ERC2: variants seen among roughly 807,000 people sequenced by gnomAD.
ERC2 encodes the protein ERC protein 2.
In ERC2, 42 loss-of-function variants were observed where a neutral mutation model predicts 114.8. That is an observed-to-expected ratio of 0.37 (90% confidence interval 0.29 to 0.47). The LOEUF (loss-of-function observed/expected upper bound fraction) is 0.47. Among genes scored for constraint, ERC2 ranks in the 20% least tolerant of loss-of-function variants. The pLI is 0.99. For synonymous variants in ERC2, 454 were observed against 425.5 expected, an observed-to-expected ratio of 1.07 and a Z score of -0.82; for missense variants, 939 against 1,150.7, an observed-to-expected ratio of 0.82 and a Z score of 2.66.
chr3:55,724,425 G>A (rs1378372125), intron 15 of ERC2, among the ~76,000 whole-genome samples: 1 of 152,110 alleles, frequency 6.6e-6, no homozygotes, highest in African/African-American at 2.4e-5. Context: ...ACCAATTCAG[G>A]GATAGCTCCT....
intron 4 of ERC2, among the ~76,000 whole-genome samples, chr3:56,165,777 A>G (rs573102701): frequency 2.4e-4 from 36 of 150,876 alleles, no homozygotes; most frequent in African/African-American, 8.1e-4. Flanking sequence ...ATTTTAAAAT[A>G]CTGGCCAGCC....
chr3:55,529,427 C>T (rs1379644325), intron 17 of ERC2, among the ~76,000 whole-genome samples: 2 of 152,106 alleles, frequency 1.3e-5, no homozygotes, highest in East Asian at 3.9e-4. Flanking sequence ...TTATTACATT[C>T]CCAAAATATC....
intron 2 of ERC2, among the ~76,000 whole-genome samples, chr3:56,373,026 C>T (rs1160706877): frequency 6.6e-6 from 1 of 152,200 alleles, no homozygotes; most frequent in Non-Finnish European, 1.5e-5. Flanking sequence ...TAATTAGATA[C>T]TTGTGTTGTA....
Position 55,726,436 on chromosome 3 carries a change from A to G in ERC2, c.2712+8335T>C, listed in dbSNP as rs541711690. On this transcript the variant is annotated intron_variant, in intron 15 of 17. Transcript: ENST00000288221. Reference sequence around the variant, plus strand: ...AACCGTGGCTTCTAGCAGAGGGGAGAAGAAATGTCTGGCTAAACACTCCAC... The same window carrying G: ...AACCGTGGCTTCTAGCAGAGGGGAGGAGAAATGTCTGGCTAAACACTCCAC... Among the ~76,000 whole-genome samples, 84 of 152,322 alleles carry G rather than the reference A, an allele frequency of 5.5e-4. 1 individual carries two copies. The South Asian group carries it at 0.017, about 31-fold the overall frequency.
chr3:56,355,972 G>T (rs902973564), intron 2 of ERC2, among the ~76,000 whole-genome samples: 1 of 152,124 alleles, frequency 6.6e-6, no homozygotes, highest in Non-Finnish European at 1.5e-5. Flanking sequence ...CACCCAATTA[G>T]TGAGACCATA....
chr3:55,835,349 C>G (rs2060824506), intron 14 of ERC2, among the ~76,000 whole-genome samples: 1 of 152,212 alleles, frequency 6.6e-6, no homozygotes, highest in South Asian at 2.1e-4. Context: ...TGCAAAAATC[C>G]TCAATGAAAT....
chr3:56,140,818 G>C (rs1396372791), intron 5 of ERC2, among the ~76,000 whole-genome samples: 1 of 152,124 alleles, frequency 6.6e-6, no homozygotes, highest in Non-Finnish European at 1.5e-5. Context: ...AAGGTCAGGA[G>C]TTCGAGACCA....
Position 55,561,155 on chromosome 3 carries a change from TA to T in ERC2, c.*40-49880del, listed in dbSNP as rs34947750. On this transcript the variant is annotated intron_variant, in intron 17 of 17. Transcript: ENST00000288221. ...TCACCAAACTACTGCTGCTTTTCTTTAAAAAAAAAAAAAAATTAAGAGCAAG... is the reference window on the plus strand; with the variant it reads ...TCACCAAACTACTGCTGCTTTTCTTTAAAAAAAAAAAAAATTAAGAGCAAG... 4.6e-3 allele frequency among the ~76,000 whole-genome samples: 666 copies of T among 145,794 alleles called. 2 individuals are homozygous for T. The highest frequency in any genetic ancestry group is 0.01 in the African/African-American group (410 of 39,874).
At chr3:55,888,107 T>A (rs2063435609) in intron 14 of ERC2, among the ~76,000 whole-genome samples, 1 of 152,192 alleles carries the variant, frequency 6.6e-6, no homozygotes, top group Non-Finnish European at 1.5e-5. Context: ...CTCAGACCTT[T>A]CCAACAGATC....
At chr3:55,928,526 T>C (rs1350773132) in intron 13 of ERC2, among the ~76,000 whole-genome samples, 1 of 152,204 alleles carries the variant, frequency 6.6e-6, no homozygotes, top group East Asian at 1.9e-4. Context: ...CCTTTTCAGA[T>C]GGATAGTTTG....
intron 16 of ERC2, among the ~76,000 whole-genome samples, chr3:55,695,294 C>T (rs554428769): frequency 6.6e-6 from 1 of 152,184 alleles, no homozygotes; most frequent in Non-Finnish European, 1.5e-5. Context: ...TTGTTGTCTG[C>T]CCCCATGGCC....
At chr3:55,805,954 T>C (rs1391818422) in intron 14 of ERC2, among the ~76,000 whole-genome samples, 2 of 152,074 alleles carry the variant, frequency 1.3e-5, no homozygotes, top group African/African-American at 2.4e-5. Context: ...AGAAAGGCAA[T>C]GAGACACTAA....
intron 15 of ERC2, among the ~76,000 whole-genome samples, chr3:55,732,570 A>C (rs1321404199): frequency 6.6e-6 from 1 of 152,236 alleles, no homozygotes; most frequent in Non-Finnish European, 1.5e-5. Flanking sequence ...CTCAATCCTT[A>C]CTGGAATCAA....
At chr3:56,001,826 T>A (rs1369412379) in intron 10 of ERC2, among the ~76,000 whole-genome samples, 1 of 152,172 alleles carries the variant, frequency 6.6e-6, no homozygotes, top group Non-Finnish European at 1.5e-5. Context: ...TCCTAACTAG[T>A]AAGTATGAAA....
At chr3:55,821,834 A>G (rs2060135985) in intron 14 of ERC2, among the ~76,000 whole-genome samples, 1 of 152,250 alleles carries the variant, frequency 6.6e-6, no homozygotes, top group African/African-American at 2.4e-5. Context: ...ATATCTCTCA[A>G]TAATCAGTAG....
chr3:56,319,876 A>G (rs972913624), intron 2 of ERC2, among the ~76,000 whole-genome samples: 13 of 152,204 alleles, frequency 8.5e-5, no homozygotes, highest in Non-Finnish European at 1.8e-4. Flanking sequence ...ACCACACAGA[A>G]TCCCAGAGAT....
chr3:56,278,845 G>A (rs141135855), intron 3 of ERC2, among the ~76,000 whole-genome samples: 2 of 152,292 alleles, frequency 1.3e-5, no homozygotes, highest in East Asian at 1.9e-4. Context: ...AACTAATAGA[G>A]TGAGAACTCA....
chr3:55,555,133 G>A (rs1189056845), intron 17 of ERC2, among the ~76,000 whole-genome samples: 3 of 152,056 alleles, frequency 2.0e-5, no homozygotes, highest in Admixed American at 6.6e-5. Context: ...GAGACATGCC[G>A]CCCTTGCTAA....
chr3:56,149,645 G>GT (rs2081315536), intron 4 of ERC2, among the ~76,000 whole-genome samples: 1 of 152,122 alleles, frequency 6.6e-6, no homozygotes, highest in Non-Finnish European at 1.5e-5. Flanking sequence ...AAATACAGAC[G>GT]TAAGTGAAAC....
Sources: allele counts gnomAD v4.1 joint callset (sites outside exome capture counted in the v4.1 genomes callset), GRCh38; gene constraint gnomAD v4.1.1; transcripts MANE v1.5; gene names NCBI Gene and HGNC (gene_info 2026-07-23, HGNC 2026-07-21).